SLC24A2: variants seen among roughly 807,000 people sequenced by gnomAD.
The protein encoded by SLC24A2 is solute carrier family 24 member 2.
A neutral mutation model predicts 62.0 loss-of-function variants in SLC24A2; 36 were observed. The ratio of observed to expected loss-of-function variants is 0.58; its 90% CI spans 0.44 to 0.77. SLC24A2 has a LOEUF of 0.77. Ranked by LOEUF, SLC24A2 falls within the 30% of genes least tolerant of loss-of-function variation. SLC24A2 has a pLI of 0.00. For synonymous variants in SLC24A2, 358 were observed against 294.0 expected, an observed-to-expected ratio of 1.22 and a Z score of -2.23; for missense variants, 846 against 817.9, an observed-to-expected ratio of 1.03 and a Z score of -0.42.
At chr9:19,727,336 G>A (rs1821200995) in intron 2 of SLC24A2, among the ~76,000 whole-genome samples, 1 of 152,062 alleles carries the variant, frequency 6.6e-6, no homozygotes, top group African/African-American at 2.4e-5. Flanking sequence ...TTTGAAAAGT[G>A]GCCTTAAATA....
At chr9:20,210,513 G>A in the SLC24A2 span, among the ~76,000 whole-genome samples, 1 of 151,758 alleles carries the variant, frequency 6.6e-6, no homozygotes, top group African/African-American at 2.4e-5. Context: ...TCGCTCTGTC[G>A]CCCAGGCTGG....
intron 8 of SLC24A2, among the ~76,000 whole-genome samples, chr9:19,549,153 A>G (rs747518080): frequency 1.2e-4 from 18 of 152,238 alleles, no homozygotes; most frequent in Non-Finnish European, 2.4e-4. Context: ...AATCGATTAA[A>G]GTAATGATAG....
chr9:20,224,848 C>G, the SLC24A2 span, among the ~76,000 whole-genome samples: 1 of 152,024 alleles, frequency 6.6e-6, no homozygotes, highest in African/African-American at 2.4e-5. Flanking sequence ...TAACTGCTCA[C>G]AGCTGCCCTC....
chr9:20,286,545 T>G, the SLC24A2 span, among the ~76,000 whole-genome samples: 2 of 152,248 alleles, frequency 1.3e-5, no homozygotes, highest in African/African-American at 4.8e-5. Flanking sequence ...AACTCCTGTT[T>G]ACAGTTCATT....
At chr9:19,818,574 A>G in the SLC24A2 span, among the ~76,000 whole-genome samples, 1 of 152,146 alleles carries the variant, frequency 6.6e-6, no homozygotes, top group Non-Finnish European at 1.5e-5. Flanking sequence ...TAAGCAGAGA[A>G]TCAAATCAAT....
At chr9:19,517,422 C>T (rs996689298) in intron 10 of SLC24A2, among the ~76,000 whole-genome samples, 3 of 152,164 alleles carry the variant, frequency 2.0e-5, no homozygotes, top group African/African-American at 4.8e-5. Context: ...ACATTACATT[C>T]TTCAAAGGAA....
At chr9:19,825,393 T>A in the SLC24A2 span, among the ~76,000 whole-genome samples, 1 of 152,122 alleles carries the variant, frequency 6.6e-6, no homozygotes, top group Non-Finnish European at 1.5e-5. Flanking sequence ...TGGGGAACAA[T>A]GGGTCCCATT....
At chr9:19,989,568 C>T in the SLC24A2 span, among the ~76,000 whole-genome samples, 1 of 152,160 alleles carries the variant, frequency 6.6e-6, no homozygotes. Context: ...AGTGATCTGT[C>T]ACTATTCCTG....
chr9:19,978,272 C>T, the SLC24A2 span, among the ~76,000 whole-genome samples: 1 of 152,156 alleles, frequency 6.6e-6, no homozygotes, highest in South Asian at 2.1e-4. Context: ...TCAATACCAT[C>T]TTTAGCAAAA....
At chr9:20,240,541 T>C in the SLC24A2 span, among the ~76,000 whole-genome samples, 3 of 152,188 alleles carry the variant, frequency 2.0e-5, no homozygotes, top group Non-Finnish European at 4.4e-5. Context: ...GCAAACTGGC[T>C]TGGGGCCAAA....
At chr9:19,988,728 G>A in the SLC24A2 span, among the ~76,000 whole-genome samples, 1 of 152,170 alleles carries the variant, frequency 6.6e-6, no homozygotes, top group Admixed American at 6.6e-5. Context: ...AAGTACCAAT[G>A]CAGGCAGGAG....
At chr9:20,198,099 G>A in the SLC24A2 span, among the ~76,000 whole-genome samples, 1 of 152,190 alleles carries the variant, frequency 6.6e-6, no homozygotes, top group Non-Finnish European at 1.5e-5. Flanking sequence ...AGGTACCAAG[G>A]CTCCACACCA....
the SLC24A2 span, among the ~76,000 whole-genome samples, chr9:20,057,243 G>T: frequency 6.6e-6 from 1 of 152,114 alleles, no homozygotes; most frequent in Non-Finnish European, 1.5e-5. Flanking sequence ...CTAAATTTGA[G>T]CGTGTGATGC....
intron 8 of SLC24A2, among the ~76,000 whole-genome samples, chr9:19,544,975 C>G (rs1349783612): frequency 2.0e-5 from 3 of 152,152 alleles, no homozygotes; most frequent in Admixed American, 2.0e-4. Context: ...GTTGGCCTGT[C>G]TTGCTAGGTT....
the SLC24A2 span, among the ~76,000 whole-genome samples, chr9:19,920,042 T>C: frequency 6.6e-6 from 1 of 152,210 alleles, no homozygotes; most frequent in Non-Finnish European, 1.5e-5. Context: ...GTATTTTCAA[T>C]ATCCTATTTA....
chr9:19,643,608 G>A (rs556577171), intron 2 of SLC24A2, among the ~76,000 whole-genome samples: 4 of 152,190 alleles, frequency 2.6e-5, no homozygotes, highest in East Asian at 1.9e-4. Context: ...TAACAGCCCC[G>A]AACTCTCTTC....
At chr9:19,715,213 T>A in intron 2 of SLC24A2, among the ~76,000 whole-genome samples, 1 of 152,286 alleles carries the variant, frequency 6.6e-6, no homozygotes, top group East Asian at 1.9e-4. Flanking sequence ...ATGAACAAGT[T>A]TGAGTGTTTT....
rs1822962123 is a variant in SLC24A2, at chr9:19,779,948, G to C, written c.930+5989C>G. On this transcript the variant is annotated intron_variant, in intron 2 of 10. Coordinates refer to ENST00000341998, the MANE Select transcript of SLC24A2 (RefSeq NM_020344.4). ...TGTCGTGGCGGGCGCCTGTAGTGCC[G>C]CTACTTGGGAGGCTGAGGCAGGAGA... Among the ~76,000 whole-genome samples, 4 of 151,962 alleles carry C rather than the reference G, an allele frequency of 2.6e-5. No individual in the cohort carries two copies. The South Asian group carries it at 8.3e-4, about 32-fold the overall frequency.
chr9:20,228,244 G>C, the SLC24A2 span, among the ~76,000 whole-genome samples: 3 of 152,098 alleles, frequency 2.0e-5, no homozygotes, highest in Admixed American at 6.5e-5. Context: ...AGAGACTCTA[G>C]ACAGTGGTTT....
Sources: allele counts gnomAD v4.1 joint callset (sites outside exome capture counted in the v4.1 genomes callset), GRCh38; gene constraint gnomAD v4.1.1; transcripts MANE v1.5; gene names NCBI Gene and HGNC (gene_info 2026-07-23, HGNC 2026-07-21).